Variants in ZNF644 observed in about 807,000 individuals in gnomAD.
The protein encoded by ZNF644 is zinc finger protein 644.
Under a neutral mutation model 108.0 loss-of-function variants are expected in ZNF644, and 20 were observed. The ratio of observed to expected loss-of-function variants is 0.19; its 90% CI spans 0.13 to 0.27. The LOEUF is 0.27. ZNF644 is among the 10% of genes least tolerant of loss of function. The pLI, the probability that ZNF644 is intolerant of heterozygous loss-of-function variation, is 1.00. For synonymous variants in ZNF644, 542 were observed against 539.1 expected, an observed-to-expected ratio of 1.01 and a Z score of -0.08; for missense variants, 1,338 against 1,548.9, an observed-to-expected ratio of 0.86 and a Z score of 2.29.
intron 1 of ZNF644, among the ~76,000 whole-genome samples, chr1:91,016,334 G>T (rs1040218405): frequency 6.6e-6 from 1 of 152,126 alleles, no homozygotes; most frequent in African/African-American, 2.4e-5. Flanking sequence ...TAGGCAATTT[G>T]GTCACTGTGC....
At chr1:90,992,723 T>C (rs528452686) in intron 1 of ZNF644, among the ~76,000 whole-genome samples, 2 of 152,352 alleles carry the variant, frequency 1.3e-5, no homozygotes, top group East Asian at 3.9e-4. Context: ...ATCCATGTAT[T>C]TGGCAAGGAA....
intron 2 of ZNF644, among the ~76,000 whole-genome samples, chr1:90,955,994 A>G (rs973067766): frequency 6.6e-6 from 1 of 152,240 alleles, no homozygotes; most frequent in Non-Finnish European, 1.5e-5. Flanking sequence ...CTCAAACACT[A>G]ATAGAGGCCA....
Position 90,985,419 on chromosome 1 carries a change from T to C in ZNF644, c.-17-3049A>G, listed in dbSNP as rs1249855765. Among the ~76,000 whole-genome samples the C allele has an allele frequency of 3.3e-5, 5 of 152,216 alleles. No homozygotes were observed. In the East Asian group the frequency reaches 9.6e-4, roughly 29 times the overall value. On this transcript the variant is annotated intron_variant, in intron 1 of 5. Transcript: ENST00000337393. The stretch of plus-strand genomic sequence containing the variant: ...ATCACTAAAGCTTATTCCTCCTGAA[T>C]AAAACTTTGTACCATTTGATCAACA...
chr1:90,925,203 C>A (rs1316512863), intron 4 of ZNF644, among the ~76,000 whole-genome samples: 1 of 152,214 alleles, frequency 6.6e-6, no homozygotes, highest in East Asian at 1.9e-4. Flanking sequence ...ATGCCCCCCA[C>A]TGGGGGGAGG....
chr1:90,941,183 AT>A lies in ZNF644; in HGVS notation c.170del (p.His57LeufsTer16). On this transcript the variant is annotated frameshift_variant, in exon 3 of 6. Transcript: ENST00000337393. LOFTEE classifies it high-confidence loss of function. ...ATGATGTTTGACAATCTTTTGGCTT[AT>A]GAACTCCGCTCTCTTTGTCTGAGAT... Reference protein sequence around the residue: ...NFISDKESGVHKPKDCQTSFQ... With the variant: ...NFISDKESGVXKPKDCQTSFQ... 6.2e-7 allele frequency: 1 copy of A among 1,612,596 alleles called. No individual in the cohort carries two copies. The highest frequency in any genetic ancestry group is 8.5e-7 in the Non-Finnish European group (1 of 1,179,430).
At chr1:90,976,587 T>C (rs1472919734) in intron 2 of ZNF644, among the ~76,000 whole-genome samples, 2 of 152,216 alleles carry the variant, frequency 1.3e-5, no homozygotes, top group Non-Finnish European at 2.9e-5. Context: ...TTTAAAAACA[T>C]TTCAGATTTG....
chr1:90,933,214 T>C (rs1650935143), intron 4 of ZNF644, among the ~76,000 whole-genome samples: 1 of 152,196 alleles, frequency 6.6e-6, no homozygotes, highest in African/African-American at 2.4e-5. Context: ...GGAGATATCT[T>C]GCCTTATTGG....
In ZNF644 at chr1:90,916,031, T is replaced by C. The variant is rs543966714; in HGVS notation, c.*767A>G. ...ATTAGATTTTTAAAATCTATTATGA[T>C]ACAAAAATGTAAAGGGTAAATAGCA... is the stretch of plus-strand genomic sequence containing the variant. On this transcript the variant is annotated 3_prime_UTR_variant, in exon 6 of 6. Transcript: ENST00000337393. 6.6e-6 allele frequency: 1 copy of C among 152,590 alleles called. No individual in the cohort carries two copies. Among genetic ancestry groups the C allele is most frequent in the Non-Finnish European group, 1.5e-5 (1 of 67,990 alleles). 9.5% of individuals were successfully genotyped at this position (152,590 alleles called of 1,614,324 possible). A position where few individuals can be genotyped will look rare whatever the true frequency, so the allele number is the denominator to read the frequency against.
chr1:91,009,314 CCTAA>C (rs1048503143), intron 1 of ZNF644, among the ~76,000 whole-genome samples: 2 of 151,808 alleles, frequency 1.3e-5, no homozygotes, highest in African/African-American at 2.4e-5. Context: ...TGTTCTATTT[CCTAA>C]CTCTTAAAAA....
rs566197030 is a variant in ZNF644, at chr1:91,001,495, C to T, written c.-17-19125G>A. On this transcript the variant is annotated intron_variant, in intron 1 of 5. Transcript: ENST00000337393. Reference sequence around the variant, plus strand: ...CAACAAAATTCAACAGCCCTTCATGCTAGAAACTCTCAATAAATTAGGTAT... The same window carrying T: ...CAACAAAATTCAACAGCCCTTCATGTTAGAAACTCTCAATAAATTAGGTAT... Among the ~76,000 whole-genome samples the T allele has an allele frequency of 3.9e-4, 59 of 152,276 alleles. No homozygotes were observed. The South Asian group carries it at 0.011, about 27-fold the overall frequency.
chr1:90,947,613 G>C (rs1652660413), intron 2 of ZNF644, among the ~76,000 whole-genome samples: 1 of 152,028 alleles, frequency 6.6e-6, no homozygotes. Flanking sequence ...TTTATGTTCA[G>C]TTTTGAAATA....
intron 4 of ZNF644, among the ~76,000 whole-genome samples, chr1:90,929,866 AT>A (rs371958293): frequency 4.6e-5 from 7 of 152,332 alleles, no homozygotes; most frequent in African/African-American, 1.7e-4. Context: ...CACTGACTTG[AT>A]TTTTTAAAAA....
At chr1:90,967,565 G>C (rs1390244208) in intron 2 of ZNF644, among the ~76,000 whole-genome samples, 1 of 152,140 alleles carries the variant, frequency 6.6e-6, no homozygotes, top group African/African-American at 2.4e-5. Context: ...ACAACTAAAA[G>C]GTAGTAGTCA....
intron 1 of ZNF644, among the ~76,000 whole-genome samples, chr1:91,010,034 C>T (rs961335632): frequency 1.3e-5 from 2 of 152,146 alleles, no homozygotes; most frequent in African/African-American, 2.4e-5. Context: ...CCTCCAATCA[C>T]GCTGTATCTG....
At chr1:90,962,598 GATA>G (rs1654443985) in intron 2 of ZNF644, among the ~76,000 whole-genome samples, 1 of 151,962 alleles carries the variant, frequency 6.6e-6, no homozygotes, top group African/African-American at 2.4e-5. Flanking sequence ...AAGATCCTAG[GATA>G]ATGTTTCTTA....
At position 90,939,668 on chromosome 1, in the gene ZNF644, G is replaced by A; in HGVS notation, c.1686C>T (p.Ala562=). The change falls in exon 3 of 6, where the codon GCC becomes GCT. Residue 562 remains alanine, a synonymous_variant. Transcript: ENST00000337393. Reference sequence around the variant, plus strand: ...AAGTCTTTTTTTGTGTTTTTCTCTGGGCAATATCAGAAGTGACCATAGGGC... The same window carrying A: ...AAGTCTTTTTTTGTGTTTTTCTCTGAGCAATATCAGAAGTGACCATAGGGC... ...VKCPMVTSDI[A]QRKTQKKTFM... is the part of the protein sequence containing the mutation. 6.2e-7 allele frequency: 1 copy of A among 1,613,776 alleles called. No homozygotes were observed.
chr1:91,020,759 G>A (rs1660830302), intron 1 of ZNF644: 1 of 152,036 alleles, frequency 6.6e-6, no homozygotes. Flanking sequence ...AACTACTGCA[G>A]GGAGGGAATA....
chr1:90,934,456 A>G (rs1273171201), intron 4 of ZNF644, among the ~76,000 whole-genome samples: 1 of 152,214 alleles, frequency 6.6e-6, no homozygotes, highest in East Asian at 1.9e-4. Context: ...GAATTTATGT[A>G]GATCTATGTC....
chr1:90,918,296 C>T (rs1649032745), intron 4 of ZNF644, 142 bp from the exon 5 acceptor site: 2 of 706,472 alleles, frequency 2.8e-6, no homozygotes, highest in Admixed American at 4.1e-5. Flanking sequence ...CTGAAGCATG[C>T]ATTCAACTTG....
Sources: allele counts gnomAD v4.1 joint callset (sites outside exome capture counted in the v4.1 genomes callset), GRCh38; gene constraint gnomAD v4.1.1; transcripts MANE v1.5; gene names NCBI Gene and HGNC (gene_info 2026-07-23, HGNC 2026-07-21).